Variants in IPO8 observed in about 807,000 individuals in gnomAD.
IPO8 encodes importin 8, also known as importin-8.
IPO8 carries 65 observed loss-of-function variants against 141.2 expected under a neutral mutation model. That is an observed-to-expected ratio of 0.46 (90% confidence interval 0.38 to 0.57). IPO8 has a LOEUF of 0.57. Among genes scored for constraint, IPO8 ranks in the 20% least tolerant of loss-of-function variants. IPO8 has a pLI of 0.00. For synonymous variants in IPO8, 411 were observed against 420.3 expected, an observed-to-expected ratio of 0.98 and a Z score of 0.27; for missense variants, 980 against 1,246.8, an observed-to-expected ratio of 0.79 and a Z score of 3.22.
chr12:30,652,153 G>A, intron 19 of IPO8, 39 bp downstream of exon 19: 2 of 1,212,936 alleles, frequency 1.6e-6, no homozygotes, highest in Non-Finnish European at 2.4e-6. Flanking sequence ...GCAAACATTA[G>A]TTAAGAACCA....
intron 24 of IPO8, 173 bp downstream of exon 24, chr12:30,631,722 G>A: frequency 3.7e-6 from 2 of 540,370 alleles, no homozygotes; most frequent in Non-Finnish European, 6.6e-6. Context: ...GCAAAGCTAA[G>A]ACATCATGAG....
At chr12:30,694,850 T>G (rs150028779) in intron 1 of IPO8, 7 of 367,026 alleles carry the variant, frequency 1.9e-5, no homozygotes, top group African/African-American at 1.5e-4. Flanking sequence ...TTGGGATCAT[T>G]AAAATTTTGA....
At position 30,670,376 on chromosome 12, in the gene IPO8, G is replaced by C. The variant is rs529993650; in HGVS notation, c.1044+586C>G. 2.0e-5 allele frequency among the ~76,000 whole-genome samples: 3 copies of C among 152,242 alleles called. No individual in the cohort carries two copies. The East Asian group carries it at 5.8e-4, about 29-fold the overall frequency. On this transcript the variant is annotated intron_variant, in intron 9 of 24. Transcript: ENST00000256079. ...AGACTGTCAAATTATCCAATTATTTGTATACAAGGAAGTATTTATTTATTA... is the reference window on the plus strand; with the variant it reads ...AGACTGTCAAATTATCCAATTATTTCTATACAAGGAAGTATTTATTTATTA...
chr12:30,653,573 C>G lies in IPO8; in HGVS notation c.1949-481G>C, dbSNP rs373108337. Among the ~76,000 whole-genome samples, 12 of 152,056 alleles carry G rather than the reference C, an allele frequency of 7.9e-5. No individual in the cohort carries two copies. The East Asian group carries it at 2.1e-3, about 27-fold the overall frequency. ...TACTGGGCAGTATTTTGTCAATTTA[C>G]AAAACTTGTAAAACGTACAGTATTC... On this transcript the variant is annotated intron_variant, in intron 17 of 24. Coordinates refer to ENST00000256079, the MANE Select transcript of IPO8 (RefSeq NM_006390.4).
At chr12:30,685,627 A>G (rs1290954755) in intron 2 of IPO8, among the ~76,000 whole-genome samples, 1 of 151,668 alleles carries the variant, frequency 6.6e-6, no homozygotes, top group East Asian at 1.9e-4. Flanking sequence ...AACTTTTAAC[A>G]TATAACTAAA....
chr12:30,651,563 A>G (rs912391599), intron 19 of IPO8, among the ~76,000 whole-genome samples: 2 of 151,032 alleles, frequency 1.3e-5, no homozygotes, highest in Non-Finnish European at 3.0e-5. Flanking sequence ...TTTCATATTT[A>G]TGTGTGTGTG....
rs767230178 is a variant in IPO8, at chr12:30,671,020, T to C, written c.986A>G (p.Tyr329Cys). ...AGAATGAACCACCCCTTGGTTGAGA[T>C]AGTTGAATGCTTGCTGAAGAACACG... ...APRVLQQAFN[Y>C]LNQGVVHSIT... Residue 329 changes from tyrosine (Y) to cysteine (C), a missense_variant, in exon 9 of 25, where the codon TAT becomes TGT. By Grantham distance (194) the Tyr-to-Cys change is radical. Coordinates refer to ENST00000256079, the MANE Select transcript of IPO8 (RefSeq NM_006390.4). 7.4e-6 allele frequency: 12 copies of C among 1,613,340 alleles called. No individual in the cohort carries two copies. The East Asian group carries it at 1.8e-4, about 24-fold the overall frequency.
chr12:30,688,370 G>A (rs77727042), intron 2 of IPO8: 8,604 of 421,954 alleles, frequency 0.02, 129 homozygotes, highest in Middle Eastern at 0.024. Flanking sequence ...CAGTGAGCAC[G>A]CTTGATGGTA....
In IPO8 at chr12:30,685,562, A is replaced by G. The variant is rs554903931; in HGVS notation, c.167-1105T>C. 8.6e-5 allele frequency among the ~76,000 whole-genome samples: 13 copies of G among 151,988 alleles called. 1 individual carries two copies. Among genetic ancestry groups the G allele is most frequent in the African/African-American group, 3.1e-4 (13 of 41,432 alleles). ...ACAGATACGTGATTTGCAAAGCAGC[A>G]TAACTTTCTTCCCTTAAGCTTCTCT... is the stretch of plus-strand genomic sequence containing the variant. On this transcript the variant is annotated intron_variant, in intron 2 of 24. Transcript: ENST00000256079.
At position 30,630,215 on chromosome 12, in the gene IPO8, C is replaced by T. The variant is rs1346332398; in HGVS notation, c.*645G>A. On this transcript the variant is annotated 3_prime_UTR_variant, in exon 25 of 25. Coordinates refer to ENST00000256079, the MANE Select transcript of IPO8 (RefSeq NM_006390.4). ...TGAGAGAAGAGGGAGTAAGACACTT[C>T]TTTAAAAAGCCACAAAACATCTTAT... The T allele has an allele frequency of 1.3e-5, 2 of 152,078 alleles. No homozygotes were observed. The highest frequency in any genetic ancestry group is 4.8e-5 in the African/African-American group (2 of 41,418). 9.4% of individuals were successfully genotyped at this position (152,078 alleles called of 1,614,324 possible).
chr12:30,649,718 T>C (rs189492837), intron 19 of IPO8, among the ~76,000 whole-genome samples: 8 of 152,238 alleles, frequency 5.3e-5, no homozygotes, highest in South Asian at 2.1e-4. Flanking sequence ...TTTATAACTA[T>C]ACAATATGAC....
chr12:30,693,991 C>T (rs2136179582), intron 1 of IPO8, among the ~76,000 whole-genome samples: 1 of 152,232 alleles, frequency 6.6e-6, no homozygotes, highest in East Asian at 1.9e-4. Flanking sequence ...TATACTTTTT[C>T]CACTTCTATA....
intron 22 of IPO8, among the ~76,000 whole-genome samples, chr12:30,634,686 T>C (rs1237505235): frequency 6.6e-6 from 1 of 152,130 alleles, no homozygotes; most frequent in Non-Finnish European, 1.5e-5. Flanking sequence ...GCATGTGTTT[T>C]AAACAATGAC....
At chr12:30,649,364 C>A (rs540950682) in intron 19 of IPO8, 132 bp from the exon 20 acceptor site, 1 of 537,608 alleles carries the variant, frequency 1.9e-6, no homozygotes, top group Non-Finnish European at 3.3e-6. Context: ...GTTTACCTCA[C>A]CAACCCAAAG....
chr12:30,639,177 T>C (rs1352491431), intron 21 of IPO8, among the ~76,000 whole-genome samples: 1 of 152,126 alleles, frequency 6.6e-6, no homozygotes, highest in Non-Finnish European at 1.5e-5. Flanking sequence ...TCCAACTCCA[T>C]TTAGAATGTT....
At chr12:30,673,480 GATTGTTTCAGGAAC>G (rs1235185773) in intron 8 of IPO8, among the ~76,000 whole-genome samples, 1 of 152,100 alleles carries the variant, frequency 6.6e-6, no homozygotes, top group Non-Finnish European at 1.5e-5. Flanking sequence ...TGTCAACTTG[GATTGTTTCAGGAAC>G]TAATTTTCAC....
intron 20 of IPO8, among the ~76,000 whole-genome samples, chr12:30,641,166 T>C (rs962294463): frequency 6.6e-6 from 1 of 152,220 alleles, no homozygotes; most frequent in African/African-American, 2.4e-5. Flanking sequence ...TAGAGCACTG[T>C]GCAGCTGCAG....
In IPO8 at chr12:30,681,225, A is replaced by G. The variant is rs1342982128; in HGVS notation, c.482+434T>C. Among the ~76,000 whole-genome samples, 4 of 152,196 alleles carry G rather than the reference A, an allele frequency of 2.6e-5. No individual in the cohort carries two copies. In the East Asian group the frequency reaches 7.7e-4, roughly 29 times the overall value. ...AGAAAGCAATACTATTAAGTGTGAT[A>G]TTAGTCCTCTACCTACCCAAGCTAC... On this transcript the variant is annotated intron_variant, in intron 4 of 24. Transcript: ENST00000256079.
At chr12:30,680,404 G>C in intron 5 of IPO8, 78 bp downstream of exon 5, 1 of 1,085,158 alleles carries the variant, frequency 9.2e-7, no homozygotes, top group Non-Finnish European at 1.3e-6. Context: ...TTAATAATAA[G>C]TGACACTTAT....
Sources: gnomAD v4.1 joint callset for allele counts (sites outside exome capture counted in the v4.1 genomes callset) on GRCh38, gnomAD v4.1.1 for gene constraint, MANE v1.5 for transcripts, NCBI Gene and HGNC (gene_info 2026-07-23, HGNC 2026-07-21) for gene names.